SLC3A1: variants seen among roughly 807,000 people sequenced by gnomAD.
SLC3A1 encodes amino acid transporter heavy chain SLC3A1.
In SLC3A1, 78 loss-of-function variants were observed where a neutral mutation model predicts 60.3. The ratio of observed to expected loss-of-function variants is 1.29; its 90% CI spans 1.08 to 1.56. The LOEUF (loss-of-function observed/expected upper bound fraction) is 1.56. Ranked by LOEUF, SLC3A1 falls within the 40% of genes most tolerant of loss-of-function variation. The probability of loss-of-function intolerance (pLI) is 0.00; values close to 1 mark genes in which losing one functional copy is unlikely to be tolerated. For missense variants in SLC3A1, 1,172 were observed against 858.9 expected (o/e 1.36, Z -4.56); for synonymous variants, 392 against 307.9 (o/e 1.27, Z -2.86).
chr2:44,317,459 CA>C (rs3074505), intron 9 of SLC3A1, among the ~76,000 whole-genome samples: 55 of 141,592 alleles, frequency 3.9e-4, no homozygotes, highest in East Asian at 1.3e-3. Flanking sequence ...GAGATTGTGT[CA>C]AAAAAAAAAA....
intron 9 of SLC3A1, chr2:44,314,825 T>C (rs1441592750): frequency 6.6e-6 from 1 of 152,088 alleles, no homozygotes; most frequent in African/African-American, 2.4e-5. Flanking sequence ...GTCTAAAATA[T>C]TCCCATAGGC....
chr2:44,286,510 CGGTG>C, intron 4 of SLC3A1, among the ~76,000 whole-genome samples: 1 of 107,668 alleles, frequency 9.3e-6, no homozygotes, highest in Non-Finnish European at 2.2e-5. Flanking sequence ...GTGCCTGTGA[CGGTG>C]AGCTGTGCGG....
In SLC3A1 at chr2:44,301,137, G is replaced by A. The variant is rs755742518; in HGVS notation, c.1136+10G>A. 60 of 1,614,048 alleles carry A rather than the reference G, an allele frequency of 3.7e-5. No individual in the cohort carries two copies. Among genetic ancestry groups the A allele is most frequent in the East Asian group, 8.9e-5 (4 of 44,896 alleles). Reference sequence around the variant, plus strand: ...AGCCCGGCAGATACAGGTTGACCACGGCATATGCTCTCATTTCTTCCCAGG... The same window carrying A: ...AGCCCGGCAGATACAGGTTGACCACAGCATATGCTCTCATTTCTTCCCAGG... On this transcript the variant is annotated intron_variant, in intron 6 of 9. Coordinates refer to ENST00000260649, the MANE Select transcript of SLC3A1 (RefSeq NM_000341.4).
At position 44,281,061 on chromosome 2, in the gene SLC3A1, C is replaced by T. The variant is rs527302055; in HGVS notation, c.610+166C>T. Reference sequence around the variant, plus strand: ...TTCCCGCTTTCTCTTTCTTCCTTTCCTTCCCTTCCCTTCTGTTTCCTTTTT... The same window carrying T: ...TTCCCGCTTTCTCTTTCTTCCTTTCTTTCCCTTCCCTTCTGTTTCCTTTTT... On this transcript the variant is annotated intron_variant, in intron 2 of 9. Coordinates refer to ENST00000260649, the MANE Select transcript of SLC3A1 (RefSeq NM_000341.4). Among the ~76,000 whole-genome samples the T allele has an allele frequency of 7.1e-4, 103 of 144,778 alleles. 2 individuals are homozygous for T. In the East Asian group the frequency reaches 0.019, roughly 26 times the overall value. The allele number at this position is 144,778 out of a possible 152,430, so 95.0% of individuals were successfully genotyped here.
intron 4 of SLC3A1, among the ~76,000 whole-genome samples, chr2:44,297,876 G>C (rs1318672865): frequency 6.6e-6 from 1 of 152,098 alleles, no homozygotes; most frequent in South Asian, 2.1e-4. Flanking sequence ...GAGATTACAG[G>C]TGTGAGCCGT....
intron 4 of SLC3A1, among the ~76,000 whole-genome samples, chr2:44,299,479 C>G (rs547998014): frequency 6.6e-6 from 1 of 152,160 alleles, no homozygotes; most frequent in Admixed American, 6.5e-5. Context: ...CATATTACTC[C>G]TAGCAGGAGA....
chr2:44,299,031 C>CT (rs3074475), intron 4 of SLC3A1, among the ~76,000 whole-genome samples: 7,121 of 124,210 alleles, frequency 0.057, 588 homozygotes, highest in African/African-American at 0.19. Flanking sequence ...ATGTAGATTC[C>CT]TTTTTTTTTT....
At chr2:44,303,796 A>T (rs1672079867) in intron 6 of SLC3A1, 3 of 434,178 alleles carry the variant, frequency 6.9e-6, no homozygotes, top group African/African-American at 2.0e-5. Flanking sequence ...TGTTCTCGTT[A>T]TTCAACTCCC....
chr2:44,317,054 C>T (rs774714536), intron 9 of SLC3A1, among the ~76,000 whole-genome samples: 3 of 152,140 alleles, frequency 2.0e-5, no homozygotes, highest in Non-Finnish European at 4.4e-5. Context: ...AGGGGGCACA[C>T]AGGAGCAAGC....
intron 5 of SLC3A1, among the ~76,000 whole-genome samples, chr2:44,300,461 G>A (rs1431711504): frequency 1.3e-5 from 2 of 152,108 alleles, no homozygotes; most frequent in African/African-American, 4.8e-5. Context: ...TTTTTGTTTT[G>A]ATTCTAGGAG....
chr2:44,296,996 G>T (rs930395117), intron 4 of SLC3A1, among the ~76,000 whole-genome samples: 2 of 152,176 alleles, frequency 1.3e-5, no homozygotes, highest in African/African-American at 4.8e-5. Context: ...GTGAAACTGT[G>T]AGTCAATTAA....
At chr2:44,306,504 T>C (rs1026313682) in intron 7 of SLC3A1, among the ~76,000 whole-genome samples, 2 of 152,034 alleles carry the variant, frequency 1.3e-5, no homozygotes, top group South Asian at 2.1e-4. Flanking sequence ...AACTATACAA[T>C]TTTTAAATAA....
chr2:44,281,747 AGAT>A (rs1671505183), intron 3 of SLC3A1, among the ~76,000 whole-genome samples: 1 of 152,206 alleles, frequency 6.6e-6, no homozygotes, highest in Admixed American at 6.5e-5. Flanking sequence ...TTCATCATAG[AGAT>A]GATGTGTTCT....
chr2:44,301,295 T>C lies in SLC3A1; in HGVS notation c.1136+168T>C, dbSNP rs1024643375. The C allele has an allele frequency of 1.2e-4, 99 of 816,100 alleles. No individual in the cohort carries two copies. In the African/African-American group the frequency reaches 1.4e-3, roughly 11 times the overall value. The allele number at this position is 816,100 out of a possible 1,614,324, so 50.6% of individuals were successfully genotyped here. Reference sequence around the variant, plus strand: ...CAGGGCCTGCCATATTCCTTTCCTGTTTGCTTATTTTGCTGACTTTCAGTT... The same window carrying C: ...CAGGGCCTGCCATATTCCTTTCCTGCTTGCTTATTTTGCTGACTTTCAGTT... On this transcript the variant is annotated intron_variant, in intron 6 of 9. Transcript: ENST00000260649.
At chr2:44,312,382 C>T (rs1672320114) in intron 7 of SLC3A1, among the ~76,000 whole-genome samples, 1 of 152,134 alleles carries the variant, frequency 6.6e-6, no homozygotes. Context: ...ATTCTTATCA[C>T]CCTTTTCTTG....
At chr2:44,281,640 A>G in intron 3 of SLC3A1, 99 bp downstream of exon 3, 4 of 1,168,816 alleles carry the variant, frequency 3.4e-6, no homozygotes, top group Non-Finnish European at 5.1e-6. Flanking sequence ...ATGAATGAAT[A>G]TAGTTTATCG....
rs767001934 is a variant in SLC3A1, at chr2:44,313,831, A to G, written c.1501-4A>G. The G allele has an allele frequency of 2.5e-6, 4 of 1,610,694 alleles. No individual in the cohort carries two copies. The highest frequency in any genetic ancestry group is 4.5e-5 in the East Asian group (2 of 44,846). On this transcript the variant is annotated splice_polypyrimidine_tract_variant and splice_region_variant and intron_variant, in intron 8 of 9. Coordinates refer to ENST00000260649, the MANE Select transcript of SLC3A1 (RefSeq NM_000341.4). ...TGTTTTCCCTTTCTGGTCTTTTGACATAGAATACCCTTCGCTCAAAGTCAC... is the reference window on the plus strand; with the variant it reads ...TGTTTTCCCTTTCTGGTCTTTTGACGTAGAATACCCTTCGCTCAAAGTCAC...
At chr2:44,295,710 T>C (rs1012011971) in intron 4 of SLC3A1, among the ~76,000 whole-genome samples, 3 of 152,346 alleles carry the variant, frequency 2.0e-5, no homozygotes, top group Admixed American at 6.5e-5. Flanking sequence ...CATTTCACAA[T>C]GCTGAGATCC....
intron 4 of SLC3A1, among the ~76,000 whole-genome samples, chr2:44,288,685 C>T (rs1307789477): frequency 6.6e-6 from 1 of 152,220 alleles, no homozygotes; most frequent in Admixed American, 6.5e-5. Context: ...TTATTACAGT[C>T]ACCCTAGTGG....
Sources: allele counts gnomAD v4.1 joint callset (sites outside exome capture counted in the v4.1 genomes callset), GRCh38; gene constraint gnomAD v4.1.1; transcripts MANE v1.5; gene names NCBI Gene and HGNC (gene_info 2026-07-23, HGNC 2026-07-21).